Variants in DOP1A observed in about 807,000 individuals in gnomAD.
DOP1A encodes the protein DOP1 leucine zipper like protein A.
A neutral mutation model predicts 267.6 loss-of-function variants in DOP1A; 90 were observed. The ratio of observed to expected loss-of-function variants is 0.34; its 90% CI spans 0.28 to 0.40. The LOEUF (loss-of-function observed/expected upper bound fraction) is 0.40, where lower values mean the gene tolerates loss of function less well. Ranked by LOEUF, DOP1A falls within the 10% of genes least tolerant of loss-of-function variation. DOP1A has a pLI of 1.00. For missense variants in DOP1A, 2,437 were observed against 2,900.4 expected (o/e 0.84, Z 3.67); for synonymous variants, 932 against 999.1 (o/e 0.93, Z 1.27).
Position 83,129,102 on chromosome 6 carries a change from A to G in DOP1A, c.1935A>G (p.Gly645=). ...SSETETASTV[G]SEETIIQTPS... ...AGACAGAAACAGCATCCACTGTGGG[A>G]TCTGAAGAAACCATCATCCAGACCC... The change falls in exon 16 of 39, where the codon GGA becomes GGG. Residue 645 remains glycine, a synonymous_variant. Coordinates refer to ENST00000349129, the MANE Select transcript of DOP1A (RefSeq NM_015018.4). The G allele has an allele frequency of 6.2e-6, 10 of 1,614,074 alleles. No individual in the cohort carries two copies. Among genetic ancestry groups the G allele is most frequent in the Non-Finnish European group, 8.5e-6 (10 of 1,179,992 alleles).
intron 27 of DOP1A, 51 bp from the exon 28 acceptor site, chr6:83,151,542 T>C (rs767685324): frequency 6.8e-7 from 1 of 1,481,324 alleles, no homozygotes; most frequent in South Asian, 1.3e-5. Flanking sequence ...ATCGCATTAG[T>C]TTCTTTTAGC....
At chr6:83,081,792 A>G (rs1768120847) in intron 1 of DOP1A, among the ~76,000 whole-genome samples, 2 of 152,208 alleles carry the variant, frequency 1.3e-5, no homozygotes. Context: ...CACACCATAC[A>G]TCTGATAAGG....
At chr6:83,146,164 C>G (rs917597260) in intron 25 of DOP1A, among the ~76,000 whole-genome samples, 3 of 152,224 alleles carry the variant, frequency 2.0e-5, no homozygotes, top group Admixed American at 6.5e-5. Flanking sequence ...TCTGCACACA[C>G]ATTGCTGTGT....
At chr6:83,130,938 C>T (rs2128240355) in intron 17 of DOP1A, among the ~76,000 whole-genome samples, 1 of 152,022 alleles carries the variant, frequency 6.6e-6, no homozygotes, top group Admixed American at 6.6e-5. Context: ...AGGGTTTCAC[C>T]ATGTTGGCCA....
intron 1 of DOP1A, among the ~76,000 whole-genome samples, chr6:83,092,371 G>C (rs369346323): frequency 2.0e-5 from 3 of 152,082 alleles, no homozygotes; most frequent in East Asian, 1.9e-4. Flanking sequence ...GAACTTTCCT[G>C]GTAGGAAAAT....
intron 29 of DOP1A, 28 bp downstream of exon 29, chr6:83,152,055 T>A (rs765367130): frequency 1.9e-6 from 3 of 1,612,962 alleles, no homozygotes; most frequent in Non-Finnish European, 2.5e-6. Flanking sequence ...TTAGGTTTAT[T>A]ATCTGTAAGC....
At chr6:83,076,878 C>T (rs1391844812) in intron 1 of DOP1A, among the ~76,000 whole-genome samples, 1 of 152,106 alleles carries the variant, frequency 6.6e-6, no homozygotes, top group Non-Finnish European at 1.5e-5. Flanking sequence ...ATGTGTGCAT[C>T]TATGGATTAA....
At chr6:83,128,366 T>C (rs1374070851) in intron 15 of DOP1A, among the ~76,000 whole-genome samples, 1 of 152,232 alleles carries the variant, frequency 6.6e-6, no homozygotes, top group Non-Finnish European at 1.5e-5. Flanking sequence ...ATATTCCTTT[T>C]ATTTCTACTA....
At chr6:83,157,090 A>G in intron 34 of DOP1A, 92 bp from the exon 35 acceptor site, 1 of 1,275,460 alleles carries the variant, frequency 7.8e-7, no homozygotes, top group Non-Finnish European at 1.1e-6. Context: ...ATCCTTTACT[A>G]CAGATAGTTT....
chr6:83,087,608 C>T (rs913302893), intron 1 of DOP1A, among the ~76,000 whole-genome samples: 1 of 152,194 alleles, frequency 6.6e-6, no homozygotes, highest in Non-Finnish European at 1.5e-5. Flanking sequence ...AAATCCCTAC[C>T]TCTCCCATTT....
In DOP1A at chr6:83,130,124, C is replaced by T. The variant is rs150689664; in HGVS notation, c.2343C>T (p.Asp781=). 38 of 1,613,080 alleles carry T rather than the reference C, an allele frequency of 2.4e-5. No individual in the cohort carries two copies. Among genetic ancestry groups the T allele is most frequent in the African/African-American group, 1.9e-4 (14 of 75,024 alleles). The change falls in exon 17 of 39, where the codon GAC becomes GAT. Residue 781 remains aspartate (D), a splice_region_variant and synonymous_variant. Transcript: ENST00000349129. ...GATTGCTACCATCTTTTGTTTCAGA[C>T]TGTGAGCATGTGCAGCCTCCACAGT... ...SELRSEKLET[D]CEHVQPPQWL...
In DOP1A at chr6:83,154,248, A is replaced by G; in HGVS notation, c.6451+7A>G. On this transcript the variant is annotated splice_region_variant and intron_variant, in intron 33 of 38. Transcript: ENST00000349129. ...ACATTTAGAGATTTGATGAGTGAGT[A>G]TTACGGGATGACAATCCAAGTTCTT... 2 of 1,612,070 alleles carry G rather than the reference A, an allele frequency of 1.2e-6. No homozygotes were observed. Among genetic ancestry groups the G allele is most frequent in the South Asian group, 1.1e-5 (1 of 91,014 alleles).
chr6:83,128,986 C>A lies in DOP1A; in HGVS notation c.1819C>A (p.Gln607Lys), dbSNP rs751759742. 1 of 1,611,014 alleles carries A rather than the reference C, an allele frequency of 6.2e-7. No homozygotes were observed. Among genetic ancestry groups the A allele is most frequent in the South Asian group, 1.1e-5 (1 of 90,522 alleles). Residue 607 changes from glutamine (Q) to lysine (K), a missense_variant, in exon 16 of 39, where the codon CAA (glutamine) becomes AAA (lysine). By Grantham distance (53) the Gln-to-Lys change is moderately conservative (BLOSUM62 1). This residue lies in a region of DOP1A where 498 missense variants were observed against 513.5 expected (regional missense o/e 0.97). Transcript: ENST00000349129. ...AGAGAGTGGATTCACTGAGTTTATA[C>A]AATATCAAGCAGACCGAACTGATGA... ...SSESGFTEFI[Q>K]YQADRTDDID...
At chr6:83,134,739 G>GA (rs1778617974) in intron 19 of DOP1A, among the ~76,000 whole-genome samples, 1 of 152,150 alleles carries the variant, frequency 6.6e-6, no homozygotes, top group Non-Finnish European at 1.5e-5. Flanking sequence ...AGCTGCCTGA[G>GA]AGTGGTTTTG....
At chr6:83,112,277 A>G (rs1452848741) in intron 6 of DOP1A, among the ~76,000 whole-genome samples, 1 of 152,098 alleles carries the variant, frequency 6.6e-6, no homozygotes, top group African/African-American at 2.4e-5. Context: ...GAATAATTTG[A>G]ACATAAAGAG....
At position 83,152,322 on chromosome 6, in the gene DOP1A, A is replaced by G; in HGVS notation, c.6084A>G (p.Ile2028Met). Residue 2028 changes from isoleucine (I) to methionine (M), a missense_variant, in exon 30 of 39, where the codon ATA (isoleucine) becomes ATG (methionine). Physicochemically the swap from Ile to Met is conservative, Grantham distance 10. Coordinates refer to ENST00000349129, the MANE Select transcript of DOP1A (RefSeq NM_015018.4). ...CACCTGCAATGGAAACCGCAAACAT[A>G]ACTCCTTCTGTATATAGTGTCCATG... is the stretch of plus-strand genomic sequence containing the variant. ...MLSPAMETAN[I>M]TPSVYSVHAL... 1 of 1,574,918 alleles carries G rather than the reference A, an allele frequency of 6.3e-7. No individual in the cohort carries two copies. Among genetic ancestry groups the G allele is most frequent in the Non-Finnish European group, 8.6e-7 (1 of 1,163,248 alleles).
At chr6:83,119,250 G>A (rs992667764) in intron 8 of DOP1A, among the ~76,000 whole-genome samples, 4 of 152,092 alleles carry the variant, frequency 2.6e-5, no homozygotes, top group Non-Finnish European at 5.9e-5. Context: ...AATTGAGATG[G>A]TTGTATATAA....
chr6:83,157,284 T>C lies in DOP1A; in HGVS notation c.6707T>C (p.Leu2236Pro). The C allele has an allele frequency of 1.2e-6, 2 of 1,613,930 alleles. No homozygotes were observed. The highest frequency in any genetic ancestry group is 8.5e-7 in the Non-Finnish European group (1 of 1,179,870). Residue 2236 changes from leucine (L) to proline (P), a missense_variant, in exon 35 of 39, where the codon CTT (leucine) becomes CCT (proline). This residue lies in a region of DOP1A where 75 missense variants were observed against 149.6 expected (regional missense o/e 0.50). Transcript: ENST00000349129. ...VLLLRMSPQH[L>P]TSLWPTMITE... ...CTTTTAAGAATGTCTCCCCAACATC[T>C]TACCTCACTCTGGCCTACCATGATT... is the stretch of plus-strand genomic sequence containing the variant.
intron 1 of DOP1A, among the ~76,000 whole-genome samples, chr6:83,089,571 A>G (rs1375385623): frequency 6.6e-6 from 1 of 152,234 alleles, no homozygotes; most frequent in Non-Finnish European, 1.5e-5. Flanking sequence ...ACTAAAGATC[A>G]AGTCAGAGAA....
Sources: allele counts gnomAD v4.1 joint callset (sites outside exome capture counted in the v4.1 genomes callset), GRCh38; gene constraint gnomAD v4.1.1; regional missense constraint gnomAD v4.1.1; transcripts MANE v1.5; gene names NCBI Gene and HGNC (gene_info 2026-07-23, HGNC 2026-07-21).